Variants in KITLG observed in about 807,000 individuals in gnomAD.
The protein encoded by KITLG is c-Kit ligand.
A neutral mutation model predicts 34.1 loss-of-function variants in KITLG; 13 were observed. The observed-to-expected ratio is 0.38, with a 90% confidence interval of 0.25 to 0.61. The LOEUF (loss-of-function observed/expected upper bound fraction) is 0.61, where lower values mean the gene tolerates loss of function less well. Among genes scored for constraint, KITLG ranks in the 20% least tolerant of loss-of-function variants. The pLI, the probability that KITLG is intolerant of heterozygous loss-of-function variation, is 0.60. For missense variants in KITLG, 292 were observed against 318.9 expected, an observed-to-expected ratio of 0.92 and a Z score of 0.64; for synonymous variants, 110 against 104.0, an observed-to-expected ratio of 1.06 and a Z score of -0.35.
At chr12:88,534,067 A>G (rs377119209) in intron 2 of KITLG, among the ~76,000 whole-genome samples, 1 of 152,144 alleles carries the variant, frequency 6.6e-6, no homozygotes. Context: ...TGTGCTCACT[A>G]TGGGCTTGGG....
At chr12:88,568,547 AG>A (rs1033644672) in intron 1 of KITLG, among the ~76,000 whole-genome samples, 4 of 152,108 alleles carry the variant, frequency 2.6e-5, no homozygotes, top group Admixed American at 6.6e-5. Flanking sequence ...TGGGGCCTAG[AG>A]GAAGGAAATA....
At chr12:88,575,144 G>A (rs1045534161) in intron 1 of KITLG, among the ~76,000 whole-genome samples, 6 of 152,144 alleles carry the variant, frequency 3.9e-5, no homozygotes, top group Non-Finnish European at 7.4e-5. Context: ...GAACCAGAAG[G>A]CACTTAGAAA....
At chr12:88,534,848 G>A (rs747327513) in intron 2 of KITLG, 13 of 349,222 alleles carry the variant, frequency 3.7e-5, no homozygotes, top group East Asian at 2.8e-4. Flanking sequence ...AGGAAAAAGC[G>A]TCTAGTCATT....
intron 8 of KITLG, among the ~76,000 whole-genome samples, chr12:88,505,478 AT>A (rs1869023847): frequency 6.6e-6 from 1 of 152,200 alleles, no homozygotes; most frequent in South Asian, 2.1e-4. Flanking sequence ...CATACCAAGC[AT>A]GCCTATATGC....
intron 4 of KITLG, 79 bp downstream of exon 4, chr12:88,518,618 C>T (rs1869542242): frequency 1.8e-6 from 2 of 1,112,006 alleles, no homozygotes; most frequent in Admixed American, 1.9e-5. Flanking sequence ...AAAGGTGCCT[C>T]ATTTTCCCCA....
chr12:88,519,204 A>G (rs1869569686), intron 3 of KITLG, among the ~76,000 whole-genome samples: 1 of 152,142 alleles, frequency 6.6e-6, no homozygotes, highest in Non-Finnish European at 1.5e-5. Flanking sequence ...ATGTTGTAAT[A>G]GGAGGACAGG....
rs1871961209 is a variant in KITLG, at chr12:88,579,980, C to A, written c.15+284G>T. On this transcript the variant is annotated intron_variant, in intron 1 of 9. Transcript: ENST00000644744. Reference sequence around the variant, plus strand: ...ATGGCCCAAAAGCCAATCTTTCCACCAGACGGGAATTACGGTTTCCGACTG... The same window carrying A: ...ATGGCCCAAAAGCCAATCTTTCCACAAGACGGGAATTACGGTTTCCGACTG... 5 of 580,198 alleles carry A rather than the reference C, an allele frequency of 8.6e-6. No individual in the cohort carries two copies. The South Asian group carries it at 1.1e-4, about 12-fold the overall frequency. 35.9% of individuals were successfully genotyped at this position (580,198 alleles called of 1,614,324 possible).
intron 3 of KITLG, among the ~76,000 whole-genome samples, chr12:88,525,904 G>A (rs953229363): frequency 6.6e-6 from 1 of 152,190 alleles, no homozygotes; most frequent in Admixed American, 6.5e-5. Flanking sequence ...TTGTGTGAAA[G>A]AGAAATCTTA....
At chr12:88,531,192 G>A (rs968517543) in intron 3 of KITLG, among the ~76,000 whole-genome samples, 2 of 152,118 alleles carry the variant, frequency 1.3e-5, no homozygotes, top group African/African-American at 4.8e-5. Context: ...TTATGTATGG[G>A]TGCATACACT....
chr12:88,511,503 C>G (rs939349849), intron 6 of KITLG, among the ~76,000 whole-genome samples: 1 of 151,964 alleles, frequency 6.6e-6, no homozygotes, highest in Non-Finnish European at 1.5e-5. Flanking sequence ...TCAGGGCTGC[C>G]GATGCAGCTG....
chr12:88,554,280 G>GA (rs1344751948), intron 1 of KITLG, among the ~76,000 whole-genome samples: 3 of 151,928 alleles, frequency 2.0e-5, no homozygotes, highest in Non-Finnish European at 4.4e-5. Flanking sequence ...ATAAAATACA[G>GA]AAAAAAAGCC....
At chr12:88,510,779 T>C (rs188892327) in intron 6 of KITLG, among the ~76,000 whole-genome samples, 2,271 of 152,298 alleles carry the variant, frequency 0.015, 45 homozygotes, top group Admixed American at 0.017. Flanking sequence ...GCCCTGGTAC[T>C]CTGACATGGC....
At chr12:88,529,649 G>T (rs1337079994) in intron 3 of KITLG, among the ~76,000 whole-genome samples, 1 of 152,164 alleles carries the variant, frequency 6.6e-6, no homozygotes, top group African/African-American at 2.4e-5. Flanking sequence ...TGGCACCAGA[G>T]AATCTTTTTG....
At chr12:88,558,150 T>G (rs1187274426) in intron 1 of KITLG, among the ~76,000 whole-genome samples, 3 of 152,168 alleles carry the variant, frequency 2.0e-5, no homozygotes, top group Non-Finnish European at 4.4e-5. Flanking sequence ...AGAACCTTTT[T>G]GTGTTTTTTT....
In KITLG at chr12:88,495,685, G is replaced by C. The variant is rs1868614467; in HGVS notation, c.*1534C>G. The C allele has an allele frequency of 6.6e-6, 1 of 152,436 alleles. No homozygotes were observed. The highest frequency in any genetic ancestry group is 2.1e-4 in the South Asian group (1 of 4,834). The allele number at this position is 152,436 out of a possible 1,614,324, so 9.4% of individuals were successfully genotyped here. On this transcript the variant is annotated 3_prime_UTR_variant, in exon 10 of 10. Coordinates refer to ENST00000644744, the MANE Select transcript of KITLG (RefSeq NM_000899.5). ...GACTTTTGAAATGAAAGGAAAGCTA[G>C]CAGTTAGTTTTTCATGCCCTTTTGT...
chr12:88,538,374 T>C (rs1165878837), intron 2 of KITLG, among the ~76,000 whole-genome samples: 1 of 151,750 alleles, frequency 6.6e-6, no homozygotes, highest in Non-Finnish European at 1.5e-5. Flanking sequence ...CTTAGACACA[T>C]AGCATCATCT....
chr12:88,531,542 T>C (rs748083974), intron 3 of KITLG, among the ~76,000 whole-genome samples: 1 of 152,130 alleles, frequency 6.6e-6, no homozygotes, highest in Non-Finnish European at 1.5e-5. Context: ...ATGAGAAAAA[T>C]AATTAAAATT....
chr12:88,572,595 T>TTTTA (rs1555258294), intron 1 of KITLG, among the ~76,000 whole-genome samples: 25 of 134,930 alleles, frequency 1.9e-4, no homozygotes, highest in African/African-American at 4.3e-4. Flanking sequence ...ATATACATTA[T>TTTTA]TATATATATA....
intron 1 of KITLG, among the ~76,000 whole-genome samples, chr12:88,555,804 A>C (rs1871078566): frequency 6.6e-6 from 1 of 152,192 alleles, no homozygotes; most frequent in Non-Finnish European, 1.5e-5. Context: ...CCCAGGGGCC[A>C]CTTCTTCATT....
Sources: gnomAD v4.1 joint callset for allele counts (sites outside exome capture counted in the v4.1 genomes callset) on GRCh38, gnomAD v4.1.1 for gene constraint, MANE v1.5 for transcripts, NCBI Gene and HGNC (gene_info 2026-07-23, HGNC 2026-07-21) for gene names.